KDM4C: variants seen among roughly 807,000 people sequenced by gnomAD.
The protein encoded by KDM4C is lysine demethylase 4C.
In KDM4C, 81 loss-of-function variants were observed where a neutral mutation model predicts 129.3. The observed-to-expected ratio is 0.63, with a 90% CI of 0.52 to 0.75. The LOEUF is 0.75. Ranked by LOEUF, KDM4C falls within the 30% of genes least tolerant of loss-of-function variation. The pLI is 0.00. For synonymous variants in KDM4C, 573 were observed against 456.1 expected, an observed-to-expected ratio of 1.26 and a Z score of -3.26; for missense variants, 1,457 against 1,304.0, an observed-to-expected ratio of 1.12 and a Z score of -1.81.
At chr9:6,757,970 G>C, upstream of KDM4C, 4 of 985,380 alleles carry the variant, frequency 4.1e-6, no homozygotes, top group Non-Finnish European at 3.6e-6. Flanking sequence ...CCCTCGCGCA[G>C]GGAGAGCCGG....
In KDM4C at chr9:6,881,250, G is replaced by A. The variant is rs115730837; in HGVS notation, c.679+1189G>A. Among the ~76,000 whole-genome samples the A allele has an allele frequency of 6.5e-3, 988 of 152,248 alleles. 18 individuals are homozygous for A. The highest frequency in any genetic ancestry group is 0.023 in the African/African-American group (947 of 41,534). On this transcript the variant is annotated intron_variant, in intron 6 of 21. Transcript: ENST00000381309. ...AAGAGTATTAGAAGGAACAGTTATA[G>A]TATTACATTTTAAGAAGCATTATTA... is the stretch of plus-strand genomic sequence containing the variant.
chr9:6,727,368 T>G (rs1817166752), intron 1 of KDM4C: 1 of 151,106 alleles, frequency 6.6e-6, no homozygotes. Context: ...GGAGAATCCC[T>G]TGAACCTGCG....
At chr9:6,986,905 T>A (rs1416616165) in intron 11 of KDM4C, 20 of 428,028 alleles carry the variant, frequency 4.7e-5, no homozygotes, top group Non-Finnish European at 7.9e-5. Flanking sequence ...ATTTTCTTTT[T>A]TTTGTTAAAA....
rs559167987 is a variant in KDM4C at position 6,861,627 on chromosome 9, C to T, written c.629+11927C>T. Among the ~76,000 whole-genome samples, 27 of 152,206 alleles carry T rather than the reference C, an allele frequency of 1.8e-4. No individual in the cohort carries two copies. The South Asian group carries it at 1.9e-3, about 11-fold the overall frequency. The stretch of plus-strand genomic sequence containing the variant: ...ACAACATACCTCAAACTTAATATAG[C>T]CAATTGTCATGAATCTATCCCCTCC... On this transcript the variant is annotated intron_variant, in intron 5 of 21. Transcript: ENST00000381309.
chr9:6,874,571 A>C (rs1256837655), intron 5 of KDM4C, among the ~76,000 whole-genome samples: 1 of 151,966 alleles, frequency 6.6e-6, no homozygotes, highest in East Asian at 1.9e-4. Context: ...GAATTAGATG[A>C]CTTTTTTTGT....
intron 15 of KDM4C, among the ~76,000 whole-genome samples, chr9:7,023,261 G>A (rs1825203252): frequency 6.6e-6 from 1 of 152,132 alleles, no homozygotes; most frequent in African/African-American, 2.4e-5. Context: ...TGAAGCCATT[G>A]GGTCCTAGGC....
chr9:6,810,598 A>G (rs1430688712), intron 3 of KDM4C, among the ~76,000 whole-genome samples: 1 of 152,168 alleles, frequency 6.6e-6, no homozygotes, highest in Admixed American at 6.6e-5. Context: ...TACGCTGGGT[A>G]CAGTGGTTCA....
intron 8 of KDM4C, among the ~76,000 whole-genome samples, chr9:6,898,159 A>G (rs1816760108): frequency 6.6e-6 from 1 of 152,238 alleles, no homozygotes; most frequent in African/African-American, 2.4e-5. Context: ...AAAAACTGAC[A>G]GGCTGTTAAA....
At chr9:6,956,358 A>C (rs1247689559) in intron 8 of KDM4C, among the ~76,000 whole-genome samples, 4 of 152,164 alleles carry the variant, frequency 2.6e-5, no homozygotes, top group Non-Finnish European at 4.4e-5. Context: ...CACCTTATGT[A>C]CTCCACAAAT....
intron 15 of KDM4C, among the ~76,000 whole-genome samples, chr9:7,021,288 G>T (rs1396279177): frequency 6.6e-6 from 1 of 151,822 alleles, no homozygotes; most frequent in East Asian, 1.9e-4. Flanking sequence ...GGGATTACAG[G>T]CGCATGCCAC....
At chr9:6,899,515 A>G (rs969609853) in intron 8 of KDM4C, among the ~76,000 whole-genome samples, 5 of 149,612 alleles carry the variant, frequency 3.3e-5, no homozygotes, top group African/African-American at 1.2e-4. Context: ...TCACTGCCCT[A>G]TGAGTCCTCT....
intron 8 of KDM4C, among the ~76,000 whole-genome samples, chr9:6,907,357 TG>T (rs1253588906): frequency 6.6e-6 from 1 of 152,218 alleles, no homozygotes. Context: ...GGTCTACTTC[TG>T]TGAGGTTGAC....
At position 6,793,004 on chromosome 9, in the gene KDM4C, G is replaced by A. The variant is rs1826994391; in HGVS notation, c.16G>A (p.Val6Met). Residue 6 changes from valine to methionine, a missense_variant, in exon 2 of 22, where the codon GTG becomes ATG. By Grantham distance (21) the Val-to-Met change is conservative. Transcript: ENST00000381309. MEVAEVESPLNPSCKI... is the reference protein window; with the variant it reads MEVAEMESPLNPSCKI... ...CCTAACCATCATGGAGGTGGCCGAG[G>A]TGGAAAGTCCTCTGAACCCCAGCTG... 2 of 1,614,060 alleles carry A rather than the reference G, an allele frequency of 1.2e-6. No homozygotes were observed. The highest frequency in any genetic ancestry group is 8.5e-7 in the Non-Finnish European group (1 of 1,180,028).
intron 17 of KDM4C, among the ~76,000 whole-genome samples, chr9:7,068,789 C>T (rs1482510348): frequency 6.7e-6 from 1 of 149,212 alleles, no homozygotes; most frequent in African/African-American, 2.5e-5. Flanking sequence ...CTCCTTCTCC[C>T]AGGTTCAAGC....
intron 7 of KDM4C, among the ~76,000 whole-genome samples, chr9:6,889,658 C>G (rs1183913416): frequency 6.6e-6 from 1 of 152,172 alleles, no homozygotes; most frequent in African/African-American, 2.4e-5. Context: ...GCATCAGCTT[C>G]ATTAGGTACT....
chr9:7,173,353 G>A (rs1159974743), intron 21 of KDM4C, among the ~76,000 whole-genome samples: 3 of 152,246 alleles, frequency 2.0e-5, no homozygotes, highest in East Asian at 3.8e-4. Context: ...AACTGATGCC[G>A]TCTGAGCAGA....
chr9:6,811,507 C>G (rs11998950), intron 3 of KDM4C, among the ~76,000 whole-genome samples: 4 of 151,926 alleles, frequency 2.6e-5, no homozygotes, highest in Non-Finnish European at 5.9e-5. Context: ...GCAGTAGAGA[C>G]GATGACATGC....
chr9:6,865,757 T>TTA (rs1841838504), intron 5 of KDM4C, among the ~76,000 whole-genome samples: 1 of 101,946 alleles, frequency 9.8e-6, no homozygotes, highest in Non-Finnish European at 2.1e-5. Flanking sequence ...TTTTATTTAT[T>TTA]TTTTTTTTTG....
At chr9:6,950,748 CT>C (rs1793412341) in intron 8 of KDM4C, among the ~76,000 whole-genome samples, 1 of 152,110 alleles carries the variant, frequency 6.6e-6, no homozygotes, top group South Asian at 2.1e-4. Context: ...AGAAAGCATA[CT>C]TTTTTATGGT....
Sources: allele counts gnomAD v4.1 joint callset (sites outside exome capture counted in the v4.1 genomes callset), GRCh38; gene constraint gnomAD v4.1.1; transcripts MANE v1.5; gene names NCBI Gene and HGNC (gene_info 2026-07-23, HGNC 2026-07-21).